SLC35F4: variants seen among roughly 807,000 people sequenced by gnomAD.
SLC35F4 encodes the protein chromosome 14 open reading frame 36.
A neutral mutation model predicts 44.2 loss-of-function variants in SLC35F4; 24 were observed. That is an observed-to-expected ratio of 0.54 (90% CI 0.39 to 0.76). The LOEUF is 0.76. SLC35F4 is among the 30% of genes least tolerant of loss of function. SLC35F4 has a pLI of 0.00. For synonymous variants in SLC35F4, 238 were observed against 223.6 expected (o/e 1.06, Z -0.57); for missense variants, 562 against 586.1 (o/e 0.96, Z 0.42).
rs138358709 is a variant in SLC35F4, at chr14:57,863,493, C to T, written c.103+2230G>A. ...GATCAGACAGGAAATGAGAAAGTCA[C>T]CTTGCTTTCACATATTATATATTCA... On this transcript the variant is annotated intron_variant, in intron 1 of 7. Transcript: ENST00000556826. 3.6e-3 allele frequency among the ~76,000 whole-genome samples: 554 copies of T among 152,286 alleles called. 2 individuals are homozygous for T. Among genetic ancestry groups the T allele is most frequent in the African/African-American group, 0.012 (501 of 41,548 alleles).
intron 1 of SLC35F4, among the ~76,000 whole-genome samples, chr14:57,939,592 C>T (rs915060120): frequency 3.3e-5 from 5 of 152,082 alleles, no homozygotes; most frequent in Non-Finnish European, 7.4e-5. Context: ...AATCTCAGAG[C>T]GAGGAAGGGT....
At chr14:57,566,658 G>T in intron 6 of SLC35F4, 94 bp from the exon 7 acceptor site, 1 of 1,260,538 alleles carries the variant, frequency 7.9e-7, no homozygotes, top group Non-Finnish European at 1.1e-6. Context: ...TTTGCTACAT[G>T]TGCCTTTTAA....
At chr14:57,608,765 G>A (rs903781985) in intron 1 of SLC35F4, among the ~76,000 whole-genome samples, 8 of 134,328 alleles carry the variant, frequency 6.0e-5, no homozygotes, top group African/African-American at 2.5e-4. Flanking sequence ...GTTAAAAAAA[G>A]AAAAGCAGCC....
upstream of SLC35F4, among the ~76,000 whole-genome samples, chr14:57,867,609 C>CG (rs386381465): frequency 1.3e-4 from 19 of 151,652 alleles, no homozygotes; most frequent in South Asian, 1.5e-3. Flanking sequence ...TACACCCCCC[C>CG]CCACGTGAAA....
intron 1 of SLC35F4, among the ~76,000 whole-genome samples, chr14:57,642,154 C>T (rs184797445): frequency 6.6e-6 from 1 of 152,026 alleles, no homozygotes; most frequent in East Asian, 1.9e-4. Flanking sequence ...AATAAGGCCA[C>T]GTGCTAAGGT....
intron 1 of SLC35F4, among the ~76,000 whole-genome samples, chr14:57,633,351 A>C (rs2072875024): frequency 6.6e-6 from 1 of 152,142 alleles, no homozygotes; most frequent in Admixed American, 6.5e-5. Context: ...TTTCCACTAC[A>C]ATAATTAAGA....
At chr14:57,948,440 T>C (rs1209536660) in intron 1 of SLC35F4, among the ~76,000 whole-genome samples, 1 of 152,178 alleles carries the variant, frequency 6.6e-6, no homozygotes, top group Non-Finnish European at 1.5e-5. Flanking sequence ...TTGGTTAATC[T>C]CACTAACGGT....
Position 57,873,056 on chromosome 14 carries a change from A to T in SLC35F4, n.282+108857T>A, listed in dbSNP as rs187926458. ...TATCAGCAGCTGTAACAGTAGTTGC[A>T]GCCACATTTTCCATTGTCCGTTTCA... is the stretch of plus-strand genomic sequence containing the variant. On this transcript the variant is annotated intron_variant and non_coding_transcript_variant, in intron 1 of 1. Transcript: ENST00000556568. Among the ~76,000 whole-genome samples, 297 of 152,326 alleles carry T rather than the reference A, an allele frequency of 1.9e-3. 1 individual carries two copies. The highest frequency in any genetic ancestry group is 6.7e-3 in the African/African-American group (280 of 41,560).
upstream of SLC35F4, among the ~76,000 whole-genome samples, chr14:57,868,767 G>A (rs1388142425): frequency 3.9e-5 from 6 of 152,132 alleles, no homozygotes; most frequent in Admixed American, 2.0e-4. Context: ...CCCGGCGGAA[G>A]GAAGGATAAC....
At chr14:57,648,022 T>C (rs58046043) in intron 1 of SLC35F4, among the ~76,000 whole-genome samples, 31,495 of 152,210 alleles carry the variant, frequency 0.21, 3,341 homozygotes, top group South Asian at 0.34. Context: ...AGTCTCTTCC[T>C]TTATTGCTAT....
intron 1 of SLC35F4, among the ~76,000 whole-genome samples, chr14:57,774,784 C>A (rs2077448329): frequency 6.6e-6 from 1 of 152,222 alleles, no homozygotes; most frequent in Non-Finnish European, 1.5e-5. Context: ...CTCCCCTGTG[C>A]CACTTTGCCT....
At chr14:57,759,269 A>T (rs919046804) in intron 1 of SLC35F4, among the ~76,000 whole-genome samples, 2 of 152,120 alleles carry the variant, frequency 1.3e-5, no homozygotes, top group Non-Finnish European at 2.9e-5. Flanking sequence ...GCTGGATCAT[A>T]TGGTAGTTCT....
At chr14:57,690,914 G>A (rs1259284594) in intron 1 of SLC35F4, among the ~76,000 whole-genome samples, 2 of 152,112 alleles carry the variant, frequency 1.3e-5, no homozygotes, top group Non-Finnish European at 2.9e-5. Context: ...TGGCTTGCTT[G>A]CCCGCTGCTC....
At chr14:57,924,381 A>G (rs1209468655) in intron 1 of SLC35F4, among the ~76,000 whole-genome samples, 2 of 152,068 alleles carry the variant, frequency 1.3e-5, no homozygotes, top group African/African-American at 4.8e-5. Context: ...TACAGAGATA[A>G]CATGCAAAAG....
chr14:57,613,139 T>C (rs767054206), intron 1 of SLC35F4, among the ~76,000 whole-genome samples: 5 of 152,202 alleles, frequency 3.3e-5, no homozygotes, highest in Non-Finnish European at 5.9e-5. Context: ...TGAGAACAAC[T>C]GCTTACTATC....
At chr14:57,681,654 G>C (rs984721650) in intron 1 of SLC35F4, among the ~76,000 whole-genome samples, 2 of 152,060 alleles carry the variant, frequency 1.3e-5, no homozygotes, top group African/African-American at 4.8e-5. Flanking sequence ...TTGACAAATG[G>C]GATCTGATTA....
At position 57,716,726 on chromosome 14, in the gene SLC35F4, T is replaced by C. The variant is rs550818628; in HGVS notation, c.104-122602A>G. On this transcript the variant is annotated intron_variant, in intron 1 of 7. Coordinates refer to ENST00000556826, the MANE Select transcript of SLC35F4 (RefSeq NM_001306087.2). ...CATCACCTCAAATATTTATTATTTG[T>C]ATGGGGAACATTTGAAATCCTCTCT... Among the ~76,000 whole-genome samples the C allele has an allele frequency of 7.9e-5, 12 of 152,330 alleles. No homozygotes were observed. In the South Asian group the frequency reaches 2.5e-3, roughly 32 times the overall value.
At chr14:57,726,291 G>T (rs908397364) in intron 1 of SLC35F4, among the ~76,000 whole-genome samples, 4 of 152,226 alleles carry the variant, frequency 2.6e-5, no homozygotes, top group Middle Eastern at 3.4e-3. Context: ...GAAGGTTTGG[G>T]TCACTCTACC....
chr14:57,842,441 TG>T (rs1050269254), intron 1 of SLC35F4, among the ~76,000 whole-genome samples: 1 of 152,134 alleles, frequency 6.6e-6, no homozygotes, highest in African/African-American at 2.4e-5. Context: ...AGCTAAGCTA[TG>T]GGGTCTTCAA....
Sources: gnomAD v4.1 joint callset for allele counts (sites outside exome capture counted in the v4.1 genomes callset) on GRCh38, gnomAD v4.1.1 for gene constraint, MANE v1.5 for transcripts, NCBI Gene and HGNC (gene_info 2026-07-23, HGNC 2026-07-21) for gene names.